The following RSRC1 variants were observed in gnomAD, a reference collection of about 807,000 sequenced individuals.
The protein encoded by RSRC1 is arginine and serine rich coiled-coil 1, also known as serine/Arginine-related protein 53.
RSRC1 carries 39 observed loss-of-function variants against 49.1 expected under a neutral mutation model. The ratio of observed to expected loss-of-function variants is 0.79; its 90% CI spans 0.61 to 1.04. The LOEUF is 1.04. Among genes scored for constraint, RSRC1 ranks in the 50% least tolerant of loss-of-function variants. The pLI is 0.00. For synonymous variants in RSRC1, 143 were observed against 130.8 expected (o/e 1.09, Z -0.63); for missense variants, 388 against 402.4 (o/e 0.96, Z 0.31).
chr3:158,395,494 A>G (rs1733562360), intron 6 of RSRC1, among the ~76,000 whole-genome samples: 1 of 152,066 alleles, frequency 6.6e-6, no homozygotes, highest in South Asian at 2.1e-4. Flanking sequence ...GCAAAAAACA[A>G]CCCTATAAAA....
chr3:158,171,491 C>A (rs1718880140), intron 3 of RSRC1, among the ~76,000 whole-genome samples: 1 of 152,000 alleles, frequency 6.6e-6, no homozygotes, highest in Non-Finnish European at 1.5e-5. Flanking sequence ...TAAAGGTAAG[C>A]CCTTCTGAAA....
At chr3:158,490,687 G>A (rs561058094) in intron 7 of RSRC1, among the ~76,000 whole-genome samples, 1 of 152,258 alleles carries the variant, frequency 6.6e-6, no homozygotes, top group South Asian at 2.1e-4. Flanking sequence ...ACTTGGATAT[G>A]GGACTATGTT....
chr3:158,383,311 A>G (rs1165019027), intron 6 of RSRC1, among the ~76,000 whole-genome samples: 2 of 152,168 alleles, frequency 1.3e-5, no homozygotes, highest in African/African-American at 2.4e-5. Context: ...ATCCACTGGT[A>G]TGGAACCCAT....
chr3:158,159,433 A>G (rs1348287374), intron 3 of RSRC1, among the ~76,000 whole-genome samples: 20 of 152,200 alleles, frequency 1.3e-4, no homozygotes, highest in Admixed American at 1.3e-3. Flanking sequence ...TTTATACTTT[A>G]CAAAATATGC....
chr3:158,301,245 A>G (rs906043476), intron 5 of RSRC1, among the ~76,000 whole-genome samples: 1 of 152,046 alleles, frequency 6.6e-6, no homozygotes, highest in African/African-American at 2.4e-5. Flanking sequence ...ATGCCTTTTT[A>G]AAGTTCTAGA....
intron 5 of RSRC1, among the ~76,000 whole-genome samples, chr3:158,351,340 A>G (rs988827724): frequency 2.6e-5 from 4 of 152,352 alleles, no homozygotes; most frequent in East Asian, 1.9e-4. Flanking sequence ...AGAAAAGGCT[A>G]TTTGCAGATG....
intron 4 of RSRC1, among the ~76,000 whole-genome samples, chr3:158,212,103 G>T (rs1004877156): frequency 1.3e-5 from 2 of 151,798 alleles, no homozygotes; most frequent in Middle Eastern, 3.4e-3. Flanking sequence ...ACAGAGTTTT[G>T]TAATGTTACG....
intron 4 of RSRC1, among the ~76,000 whole-genome samples, chr3:158,286,499 CACTTAGACAAAT>C (rs1263654442): frequency 1.3e-5 from 2 of 152,148 alleles, no homozygotes; most frequent in African/African-American, 2.4e-5. Context: ...AAGGTCAGTT[CACTTAGACAAAT>C]ACTATGAAAA....
chr3:158,218,913 G>A (rs55746917), intron 4 of RSRC1, among the ~76,000 whole-genome samples: 11,588 of 151,592 alleles, frequency 0.076, 535 homozygotes, highest in South Asian at 0.13. Flanking sequence ...AATAAGACAC[G>A]GTCTTTGATC....
At chr3:158,281,328 CT>C (rs151165233) in intron 4 of RSRC1, among the ~76,000 whole-genome samples, 555 of 140,640 alleles carry the variant, frequency 3.9e-3, no homozygotes, top group Admixed American at 3.8e-3. Flanking sequence ...TGAGCATAAG[CT>C]TTTTTTTTTT....
intron 4 of RSRC1, among the ~76,000 whole-genome samples, chr3:158,245,918 T>C (rs1481446548): frequency 6.6e-6 from 1 of 152,206 alleles, no homozygotes; most frequent in African/African-American, 2.4e-5. Context: ...TAAATTTTCC[T>C]CCATGCCTTT....
In RSRC1 at chr3:158,207,605, G is replaced by A. The variant is rs952221189; in HGVS notation, c.494+4360G>A. 5.2e-5 allele frequency among the ~76,000 whole-genome samples: 7 copies of A among 134,830 alleles called. No homozygotes were observed. In the South Asian group the frequency reaches 1.4e-3, roughly 28 times the overall value. 88.5% of individuals were successfully genotyped at this position (134,830 alleles called of 152,430 possible). A position where few individuals can be genotyped will look rare whatever the true frequency, so the allele number is the denominator to read the frequency against. On this transcript the variant is annotated intron_variant, in intron 4 of 9. Coordinates refer to ENST00000611884, the MANE Select transcript of RSRC1 (RefSeq NM_001271838.2). ...AGTAACCTAAGTGCTTCTTCACATG[G>A]GAAAACAACCTATGTGCAAAAGTAA...
intron 3 of RSRC1, among the ~76,000 whole-genome samples, chr3:158,174,792 A>G (rs575558033): frequency 6.6e-6 from 1 of 152,208 alleles, no homozygotes; most frequent in African/African-American, 2.4e-5. Flanking sequence ...TTTTGGTATT[A>G]CAAAGAATGG....
At chr3:158,256,503 G>T (rs1368912922) in intron 4 of RSRC1, among the ~76,000 whole-genome samples, 1 of 152,118 alleles carries the variant, frequency 6.6e-6, no homozygotes. Context: ...TTCATCAGGG[G>T]TATTGGTCTA....
At chr3:158,321,012 G>A (rs187032988) in intron 5 of RSRC1, among the ~76,000 whole-genome samples, 6 of 152,072 alleles carry the variant, frequency 3.9e-5, no homozygotes, top group Admixed American at 3.9e-4. Flanking sequence ...TAAAAACCGG[G>A]ATTCTCTGTA....
intron 6 of RSRC1, among the ~76,000 whole-genome samples, chr3:158,358,104 AAAAT>A (rs1308219361): frequency 2.6e-5 from 4 of 152,238 alleles, no homozygotes; most frequent in African/African-American, 4.8e-5. Context: ...ATGAAGGACT[AAAAT>A]AAGATTTAAA....
At chr3:158,324,949 T>C (rs974769122) in intron 5 of RSRC1, among the ~76,000 whole-genome samples, 8 of 152,208 alleles carry the variant, frequency 5.3e-5, no homozygotes, top group East Asian at 1.9e-4. Flanking sequence ...TGGTATCTCA[T>C]TGTGGTTTTG....
intron 6 of RSRC1, among the ~76,000 whole-genome samples, chr3:158,417,876 A>T (rs1173054244): frequency 6.6e-6 from 1 of 151,804 alleles, no homozygotes; most frequent in Non-Finnish European, 1.5e-5. Context: ...AATATACATT[A>T]ATTAGTCAAG....
intron 5 of RSRC1, among the ~76,000 whole-genome samples, chr3:158,298,901 T>C (rs1006935363): frequency 3.9e-5 from 6 of 152,206 alleles, no homozygotes; most frequent in Non-Finnish European, 7.4e-5. Flanking sequence ...AATGTACTTT[T>C]GTTCTGCTTC....
Sources: gnomAD v4.1 joint callset for allele counts (sites outside exome capture counted in the v4.1 genomes callset) on GRCh38, gnomAD v4.1.1 for gene constraint, MANE v1.5 for transcripts, NCBI Gene and HGNC (gene_info 2026-07-23, HGNC 2026-07-21) for gene names.